Variants in OSBP2 observed in about 807,000 individuals in gnomAD.
OSBP2 encodes the protein oxysterol-binding protein 2.
A neutral mutation model predicts 96.0 loss-of-function variants in OSBP2; 66 were observed. The observed-to-expected ratio is 0.69, with a 90% confidence interval of 0.56 to 0.84. The LOEUF (loss-of-function observed/expected upper bound fraction) is 0.84, where lower values mean the gene tolerates loss of function less well. Ranked by LOEUF, OSBP2 falls within the 40% of genes least tolerant of loss-of-function variation. The pLI, the probability that OSBP2 is intolerant of heterozygous loss-of-function variation, is 0.00. For missense variants in OSBP2, 1,038 were observed against 1,222.7 expected (o/e 0.85, Z 2.25); for synonymous variants, 525 against 520.9 (o/e 1.01, Z -0.11).
Position 30,831,760 on chromosome 22 carries a change from G to C in OSBP2, c.854-38669G>C, listed in dbSNP as rs1393529045. Among the ~76,000 whole-genome samples, 6 of 152,146 alleles carry C rather than the reference G, an allele frequency of 3.9e-5. No individual in the cohort carries two copies. The East Asian group carries it at 1.2e-3, about 29-fold the overall frequency. On this transcript the variant is annotated intron_variant, in intron 2 of 13. Transcript: ENST00000332585. ...TGAATCCACTCTTTAGCTTTCCCAA[G>C]GGACATTCCAGATGCAGAGGTCCCA... is the stretch of plus-strand genomic sequence containing the variant.
chr22:30,874,064 C>G (rs1293389816), intron 3 of OSBP2, among the ~76,000 whole-genome samples: 1 of 152,172 alleles, frequency 6.6e-6, no homozygotes, highest in Non-Finnish European at 1.5e-5. Context: ...TGGTGAAACC[C>G]TGTCTCTACT....
At chr22:30,856,389 TTTTTTTTTTTTTTTG>T (rs1168884275) in intron 2 of OSBP2, among the ~76,000 whole-genome samples, 2 of 141,596 alleles carry the variant, frequency 1.4e-5, no homozygotes, top group South Asian at 4.7e-4. Context: ...TTTTTTTTTT[TTTTTTTTTTTTTTTG>T]GAGACAGGGT....
At chr22:30,782,028 C>T (rs1342939839) in intron 2 of OSBP2, among the ~76,000 whole-genome samples, 2 of 152,134 alleles carry the variant, frequency 1.3e-5, no homozygotes, top group Non-Finnish European at 2.9e-5. Flanking sequence ...CACCTGTATT[C>T]CCAGCTATTT....
intron 2 of OSBP2, among the ~76,000 whole-genome samples, chr22:30,784,490 C>T (rs972040499): frequency 6.6e-6 from 1 of 151,886 alleles, no homozygotes; most frequent in African/African-American, 2.4e-5. Flanking sequence ...AAGTCCTGGG[C>T]TCAAGTGATC....
intron 2 of OSBP2, among the ~76,000 whole-genome samples, chr22:30,866,970 CT>C (rs1309364058): frequency 6.6e-6 from 1 of 152,168 alleles, no homozygotes; most frequent in Non-Finnish European, 1.5e-5. Flanking sequence ...GGCCCACCCC[CT>C]TGTGCTCAGT....
At chr22:30,814,456 G>A (rs1033624736) in intron 2 of OSBP2, among the ~76,000 whole-genome samples, 11 of 142,368 alleles carry the variant, frequency 7.7e-5, no homozygotes, top group Non-Finnish European at 1.5e-4. Context: ...TTTTTAAGAT[G>A]GAGTCTCACT....
intron 2 of OSBP2, among the ~76,000 whole-genome samples, chr22:30,834,322 CTT>C (rs997896008): frequency 1.3e-5 from 2 of 152,162 alleles, no homozygotes; most frequent in Non-Finnish European, 2.9e-5. Context: ...AGCGCATAAA[CTT>C]TTGTGTGGAT....
chr22:30,817,452 T>C (rs144385615), intron 2 of OSBP2, among the ~76,000 whole-genome samples: 1 of 152,194 alleles, frequency 6.6e-6, no homozygotes, highest in Non-Finnish European at 1.5e-5. Context: ...AGGCCACCAC[T>C]GGCTCTTGCT....
chr22:30,865,697 A>G (rs2039323074), intron 2 of OSBP2, among the ~76,000 whole-genome samples: 1 of 151,212 alleles, frequency 6.6e-6, no homozygotes, highest in Non-Finnish European at 1.5e-5. Context: ...GTGGAAGGTG[A>G]CCGGGCCAGG....
chr22:30,743,801 C>T (rs1000976455), intron 2 of OSBP2, among the ~76,000 whole-genome samples: 3 of 152,064 alleles, frequency 2.0e-5, no homozygotes, highest in Non-Finnish European at 4.4e-5. Context: ...ACAGCCAGTG[C>T]GAGGGGTTTC....
At chr22:30,856,919 C>A (rs2039090920) in intron 2 of OSBP2, among the ~76,000 whole-genome samples, 1 of 152,168 alleles carries the variant, frequency 6.6e-6, no homozygotes, top group African/African-American at 2.4e-5. Flanking sequence ...GGCTGTCAGG[C>A]TGGGGGTGAC....
chr22:30,713,312 C>T (rs1020776067), intron 1 of OSBP2, among the ~76,000 whole-genome samples: 7 of 152,034 alleles, frequency 4.6e-5, no homozygotes, highest in Admixed American at 1.3e-4. Flanking sequence ...ATCTCCTGAC[C>T]TCGTGATCTG....
chr22:30,693,849 C>T (rs2088969566), upstream of OSBP2: 4 of 514,574 alleles, frequency 7.8e-6, no homozygotes, highest in Non-Finnish European at 1.4e-5. Flanking sequence ...CGTGGAATTC[C>T]AGCTACTAGG....
intron 2 of OSBP2, among the ~76,000 whole-genome samples, chr22:30,823,303 G>A (rs987817495): frequency 3.3e-5 from 5 of 152,232 alleles, no homozygotes; most frequent in Middle Eastern, 3.2e-3. Context: ...GTCTTAAATG[G>A]AAGACTTGCA....
chr22:30,818,558 GC>G (rs1417994792), intron 2 of OSBP2, among the ~76,000 whole-genome samples: 1 of 152,154 alleles, frequency 6.6e-6, no homozygotes. Context: ...AGTTTCTGGG[GC>G]CGCCGTGAGT....
At chr22:30,769,486 T>G (rs2090320252) in intron 2 of OSBP2, among the ~76,000 whole-genome samples, 1 of 152,032 alleles carries the variant, frequency 6.6e-6, no homozygotes, top group African/African-American at 2.4e-5. Context: ...CGGTCTCTAC[T>G]AAAAATACAA....
At position 30,871,474 on chromosome 22, in the gene OSBP2, A is replaced by G. The variant is rs548640918; in HGVS notation, c.1107+792A>G. Among the ~76,000 whole-genome samples, 2 of 152,194 alleles carry G rather than the reference A, an allele frequency of 1.3e-5. No individual in the cohort carries two copies. The highest frequency in any genetic ancestry group is 2.1e-4 in the South Asian group (1 of 4,836). Reference sequence around the variant, plus strand: ...CCAGGACAGTCCCCCAGGGCGGCACATCTGGGCCAGGGGTGCAGTTGTAGG... The same window carrying G: ...CCAGGACAGTCCCCCAGGGCGGCACGTCTGGGCCAGGGGTGCAGTTGTAGG... On this transcript the variant is annotated intron_variant, in intron 3 of 13. Coordinates refer to ENST00000332585, the MANE Select transcript of OSBP2 (RefSeq NM_030758.4). The surrounding 1 kb of genome is among the most constrained non-coding windows in gnomAD (Gnocchi z 4.7).
intron 1 of OSBP2, among the ~76,000 whole-genome samples, chr22:30,737,719 C>CT (rs912583232): frequency 4.2e-4 from 61 of 146,254 alleles, no homozygotes; most frequent in South Asian, 1.3e-3. Context: ...GACTCTAAAT[C>CT]TTTTTTTTTT....
At chr22:30,822,986 A>G (rs990461871) in intron 2 of OSBP2, among the ~76,000 whole-genome samples, 1 of 152,228 alleles carries the variant, frequency 6.6e-6, no homozygotes, top group Admixed American at 6.5e-5. Flanking sequence ...AATATAATCT[A>G]TATCTTTATG....
Sources: allele counts gnomAD v4.1 joint callset (sites outside exome capture counted in the v4.1 genomes callset), GRCh38; gene constraint gnomAD v4.1.1; non-coding constraint Gnocchi (gnomAD v3.1); transcripts MANE v1.5; gene names NCBI Gene and HGNC (gene_info 2026-07-23, HGNC 2026-07-21).